OTUD3: variants seen among roughly 807,000 people sequenced by gnomAD.
OTUD3 encodes the protein OTU deubiquitinase 3.
A neutral mutation model predicts 46.2 loss-of-function variants in OTUD3; 24 were observed. That is an observed-to-expected ratio of 0.52 (90% CI 0.38 to 0.73). OTUD3 has a LOEUF of 0.73. Ranked by LOEUF, OTUD3 falls within the 30% of genes least tolerant of loss-of-function variation. OTUD3 has a pLI of 0.00. For missense variants in OTUD3, 455 were observed against 523.3 expected, an observed-to-expected ratio of 0.87 and a Z score of 1.27; for synonymous variants, 189 against 195.4, an observed-to-expected ratio of 0.97 and a Z score of 0.27.
chr1:19,905,570 G>A (rs577073545), intron 6 of OTUD3, among the ~76,000 whole-genome samples: 11 of 151,764 alleles, frequency 7.2e-5, no homozygotes, highest in African/African-American at 2.7e-4. Context: ...GTGAAACCCC[G>A]TCTCTACTAA....
chr1:19,906,826 C>G (rs1269001025), intron 7 of OTUD3: 1 of 451,222 alleles, frequency 2.2e-6, no homozygotes, highest in Admixed American at 3.8e-5. Context: ...GGAAATACAC[C>G]CTGAAATTGT....
rs540429946 is a variant in OTUD3, at chr1:19,911,217, A to G, written c.*3471A>G. The G allele has an allele frequency of 6.6e-6, 1 of 152,336 alleles. No homozygotes were observed. The highest frequency in any genetic ancestry group is 1.9e-4 in the East Asian group (1 of 5,320). 9.4% of individuals were successfully genotyped at this position (152,336 alleles called of 1,614,324 possible). A position where few individuals can be genotyped will look rare whatever the true frequency, so the allele number is the denominator to read the frequency against. On this transcript the variant is annotated 3_prime_UTR_variant, in exon 8 of 8. Coordinates refer to ENST00000375120, the MANE Select transcript of OTUD3 (RefSeq NM_015207.2). ...ACTTTCTTACCTCAAGGCTCTGTCT[A>G]GCCATGTTAAATCTTTAGACTCAGT...
chr1:19,901,981 G>T (rs893989893), intron 4 of OTUD3, among the ~76,000 whole-genome samples: 1 of 152,150 alleles, frequency 6.6e-6, no homozygotes, highest in South Asian at 2.1e-4. Flanking sequence ...GAGTATATGT[G>T]TACAGTATTT....
chr1:19,895,335 A>G (rs1019674213), intron 3 of OTUD3, among the ~76,000 whole-genome samples: 4 of 152,320 alleles, frequency 2.6e-5, no homozygotes, highest in Admixed American at 6.5e-5. Flanking sequence ...ATACAGTTCT[A>G]TGTGTTTTGA....
intron 4 of OTUD3, among the ~76,000 whole-genome samples, chr1:19,900,164 C>T (rs1406900944): frequency 6.6e-6 from 1 of 152,110 alleles, no homozygotes; most frequent in Non-Finnish European, 1.5e-5. Context: ...AAAAAGAATT[C>T]TCCCATAGTT....
At chr1:19,882,938 A>G (rs552983385) in intron 1 of OTUD3, among the ~76,000 whole-genome samples, 9 of 152,294 alleles carry the variant, frequency 5.9e-5, no homozygotes, top group East Asian at 5.8e-4. Flanking sequence ...GGGGATCCCA[A>G]AGGGTCCTAA....
rs891982451 is a variant in OTUD3 at position 19,912,651 on chromosome 1, T to C, written c.*4905T>C. 13 of 152,392 alleles carry C rather than the reference T, an allele frequency of 8.5e-5. No homozygotes were observed. The highest frequency in any genetic ancestry group is 1.5e-4 in the Non-Finnish European group (10 of 68,052). 9.4% of individuals were successfully genotyped at this position (152,392 alleles called of 1,614,324 possible). ...CTCCATGGGGTCGTGATCCATAGAC[T>C]TAGCAAGTCTTGCCTTATCTATGGA... On this transcript the variant is annotated 3_prime_UTR_variant, in exon 8 of 8. Coordinates refer to ENST00000375120, the MANE Select transcript of OTUD3 (RefSeq NM_015207.2).
intron 1 of OTUD3, among the ~76,000 whole-genome samples, chr1:19,889,393 C>T (rs932435950): frequency 6.6e-6 from 1 of 152,242 alleles, no homozygotes; most frequent in Admixed American, 6.5e-5. Context: ...ACAAAACCCC[C>T]TTTTTTCCTA....
Position 19,897,611 on chromosome 1 carries a change from T to C in OTUD3, c.555T>C (p.Ser185=), listed in dbSNP as rs1168705470. 4.3e-6 allele frequency: 7 copies of C among 1,613,978 alleles called. No individual in the cohort carries two copies. The South Asian group carries it at 5.5e-5, about 13-fold the overall frequency. The change falls in exon 4 of 8, where the codon AGT becomes AGC. Residue 185 remains serine, a synonymous_variant. Transcript: ENST00000375120. ...ATCGGTATGGAGAGCACTACGACAG[T>C]GTTCGGAGGATCAATGACAACTCAG... The part of the protein sequence containing the change: ...IAYRYGEHYD[S]VRRINDNSEA...
chr1:19,882,604 C>G lies in OTUD3; in HGVS notation c.91C>G (p.Arg31Gly). The G allele has an allele frequency of 7.0e-7, 1 of 1,437,176 alleles. No individual in the cohort carries two copies. Among genetic ancestry groups the G allele is most frequent in the Non-Finnish European group, 9.1e-7 (1 of 1,098,170 alleles). 89.0% of individuals were successfully genotyped at this position (1,437,176 alleles called of 1,614,324 possible). A position where few individuals can be genotyped will look rare whatever the true frequency, so the allele number is the denominator to read the frequency against. Residue 31 changes from arginine to glycine, a missense_variant, in exon 1 of 8, where the codon CGG becomes GGG. Arg to Gly is a moderately radical substitution (Grantham distance 125, BLOSUM62 -2). Transcript: ENST00000375120. ...ERKRDERAAR[R>G]ALAKERRNRP... ...CAAGCGGGACGAGCGGGCGGCGCGC[C>G]GGGCCCTGGCCAAGGAGCGGCGGAA...
rs138801965 is a variant in OTUD3, at chr1:19,889,050, G to T, written c.222-1335G>T. On this transcript the variant is annotated intron_variant, in intron 1 of 7. Transcript: ENST00000375120. ...TTAAACTAAATTCAAGAATAGGCTA[G>T]TGGTGGCAGATGCTGATTAAGAAAA... Among the ~76,000 whole-genome samples, 296 of 152,320 alleles carry T rather than the reference G, an allele frequency of 1.9e-3. 1 individual carries two copies. The highest frequency in any genetic ancestry group is 6.8e-3 in the African/African-American group (283 of 41,564).
chr1:19,906,384 G>T (rs756982872), intron 6 of OTUD3, 48 bp from the exon 7 acceptor site: 2 of 1,566,550 alleles, frequency 1.3e-6, no homozygotes, highest in East Asian at 4.5e-5. Context: ...TCATCACCCT[G>T]TGTAACTCTC....
rs2045532560 is a variant in OTUD3, at chr1:19,897,521, C to T, written c.484-19C>T. ...AGTGTTCAGATCCTCACTGGCATGG[C>T]CCCTTCTTTTGTCTACAGATTCGTG... On this transcript the variant is annotated intron_variant, in intron 3 of 7. Coordinates refer to ENST00000375120, the MANE Select transcript of OTUD3 (RefSeq NM_015207.2). 1.2e-6 allele frequency: 2 copies of T among 1,613,064 alleles called. No individual in the cohort carries two copies. Among genetic ancestry groups the T allele is most frequent in the Non-Finnish European group, 1.7e-6 (2 of 1,179,452 alleles).
At chr1:19,898,500 G>A (rs909115569) in intron 4 of OTUD3, among the ~76,000 whole-genome samples, 13 of 151,514 alleles carry the variant, frequency 8.6e-5, no homozygotes, top group African/African-American at 2.7e-4. Context: ...AGGCCGAGGC[G>A]GGCGGATCAC....
intron 1 of OTUD3, among the ~76,000 whole-genome samples, chr1:19,884,634 A>T (rs1253366168): frequency 1.3e-5 from 2 of 152,226 alleles, no homozygotes; most frequent in Non-Finnish European, 2.9e-5. Context: ...CAAAGTTAAA[A>T]CACAAGAATA....
At chr1:19,897,698 C>T (rs1571173634) in intron 4 of OTUD3, 36 bp downstream of exon 4, 2 of 1,602,042 alleles carry the variant, frequency 1.2e-6, no homozygotes, top group East Asian at 2.3e-5. Context: ...GTATTCCCCG[C>T]CCTACAGGAA....
rs1443226804 is a variant in OTUD3 at position 19,910,237 on chromosome 1, A to C, written c.*2491A>C. The C allele has an allele frequency of 1.3e-5, 2 of 152,362 alleles. No homozygotes were observed. Among genetic ancestry groups the C allele is most frequent in the African/African-American group, 4.8e-5 (2 of 41,456 alleles). The allele number at this position is 152,362 out of a possible 1,614,324, so 9.4% of individuals were successfully genotyped here. A position where few individuals can be genotyped will look rare whatever the true frequency, so the allele number is the denominator to read the frequency against. On this transcript the variant is annotated 3_prime_UTR_variant, in exon 8 of 8. Coordinates refer to ENST00000375120, the MANE Select transcript of OTUD3 (RefSeq NM_015207.2). ...CTTTATTAGGAACTGAATGTGTCTT[A>C]ACCTCTGTGTTACATCTTGGCTGGC...
intron 7 of OTUD3, 90 bp downstream of exon 7, chr1:19,906,706 T>C: frequency 1.7e-6 from 2 of 1,186,244 alleles, no homozygotes; most frequent in South Asian, 3.3e-5. Flanking sequence ...ATTTGTATTT[T>C]CCTTCTGATT....
intron 1 of OTUD3, among the ~76,000 whole-genome samples, chr1:19,888,283 G>T (rs2045398600): frequency 6.6e-6 from 1 of 152,212 alleles, no homozygotes; most frequent in African/African-American, 2.4e-5. Context: ...ATAGGTAATG[G>T]TGAGAGTGTG....
Sources: gnomAD v4.1 joint callset for allele counts (sites outside exome capture counted in the v4.1 genomes callset) on GRCh38, gnomAD v4.1.1 for gene constraint, MANE v1.5 for transcripts, NCBI Gene and HGNC (gene_info 2026-07-23, HGNC 2026-07-21) for gene names.